Variants in SLC35D4 observed in about 807,000 individuals in gnomAD.
SLC35D4 encodes the protein solute carrier family 35 member D4.
chr18:23,319,408 T>C, the SLC35D4 span, among the ~76,000 whole-genome samples: 1 of 151,850 alleles, frequency 6.6e-6, no homozygotes, highest in South Asian at 2.1e-4. Context: ...GTAGCTGGGA[T>C]TACAGGTGGC....
the SLC35D4 span, among the ~76,000 whole-genome samples, chr18:23,347,941 T>C: frequency 6.6e-6 from 1 of 152,218 alleles, no homozygotes; most frequent in Non-Finnish European, 1.5e-5. Context: ...AGTTATTGAT[T>C]TGAGACCTTC....
chr18:23,339,367 A>G, the SLC35D4 span, among the ~76,000 whole-genome samples: 1 of 152,248 alleles, frequency 6.6e-6, no homozygotes, highest in Admixed American at 6.5e-5. Context: ...ACATAATTTT[A>G]AAATCTGGCA....
the SLC35D4 span, chr18:23,399,448 T>A: frequency 5.5e-6 from 5 of 901,288 alleles, no homozygotes; most frequent in Non-Finnish European, 8.5e-6. Flanking sequence ...GAGTAATAGG[T>A]CCCATTATTA....
chr18:23,370,106 G>T, the SLC35D4 span: 42 of 856,108 alleles, frequency 4.9e-5, no homozygotes, highest in East Asian at 1.4e-4. Context: ...TTGAACCCGG[G>T]GGGTGGAGGG....
the SLC35D4 span, among the ~76,000 whole-genome samples, chr18:23,312,082 T>C: frequency 6.6e-6 from 1 of 152,248 alleles, no homozygotes; most frequent in African/African-American, 2.4e-5. Context: ...TGTCCTTGCC[T>C]GTTTTTACCC....
At chr18:23,307,635 G>A in the SLC35D4 span, among the ~76,000 whole-genome samples, 6 of 152,356 alleles carry the variant, frequency 3.9e-5, no homozygotes, top group Admixed American at 3.9e-4. Flanking sequence ...CGGAGGGCGA[G>A]CCCGGGGCGC....
At chr18:23,334,667 G>A in the SLC35D4 span, among the ~76,000 whole-genome samples, 3 of 152,020 alleles carry the variant, frequency 2.0e-5, no homozygotes, top group Admixed American at 1.3e-4. Flanking sequence ...TCTAAAGAAC[G>A]ACCAGGTTAG....
At chr18:23,273,435 GAGAGAAGGGCAAAA>G in the SLC35D4 span, among the ~76,000 whole-genome samples, 4,842 of 152,264 alleles carry the variant, frequency 0.032, 241 homozygotes, top group African/African-American at 0.11. Flanking sequence ...ACATGGAGGT[GAGAGAAGGGCAAAA>G]AGAGAAAGGG....
At chr18:23,386,841 C>G in the SLC35D4 span, among the ~76,000 whole-genome samples, 175 of 152,238 alleles carry the variant, frequency 1.1e-3, 1 homozygote, top group East Asian at 0.011. Flanking sequence ...GGCATACTCT[C>G]CTAATGGATA....
chr18:23,298,791 G>A, the SLC35D4 span, among the ~76,000 whole-genome samples: 1 of 152,182 alleles, frequency 6.6e-6, no homozygotes, highest in Non-Finnish European at 1.5e-5. Flanking sequence ...ATGGTGGTAG[G>A]TCTCTGATGG....
At chr18:23,250,242 C>G in the SLC35D4 span, among the ~76,000 whole-genome samples, 1 of 152,220 alleles carries the variant, frequency 6.6e-6, no homozygotes, top group Non-Finnish European at 1.5e-5. Flanking sequence ...AGGCAGATGA[C>G]TTTACTTGAG....
the SLC35D4 span, among the ~76,000 whole-genome samples, chr18:23,334,101 C>G: frequency 6.6e-6 from 1 of 152,054 alleles, no homozygotes; most frequent in East Asian, 1.9e-4. Context: ...CTTTTCTTCT[C>G]CTGAAGGGGA....
the SLC35D4 span, chr18:23,371,587 A>C: frequency 1.4e-6 from 1 of 726,422 alleles, no homozygotes; most frequent in Non-Finnish European, 2.2e-6. Context: ...GTCCCAAAAC[A>C]GGACTCCTGG....
chr18:23,341,795 G>A, the SLC35D4 span, among the ~76,000 whole-genome samples: 1 of 152,114 alleles, frequency 6.6e-6, no homozygotes, highest in African/African-American at 2.4e-5. Flanking sequence ...AGATCTTAAT[G>A]GCTCATTGAA....
chr18:23,304,892 C>T, the SLC35D4 span, among the ~76,000 whole-genome samples: 14 of 152,350 alleles, frequency 9.2e-5, no homozygotes, highest in Admixed American at 9.1e-4. Flanking sequence ...GGGCATCTTC[C>T]AAACACTCCT....
the SLC35D4 span, among the ~76,000 whole-genome samples, chr18:23,295,447 A>G: frequency 2.6e-5 from 4 of 152,138 alleles, no homozygotes; most frequent in African/African-American, 4.8e-5. Context: ...CTCCAAATTA[A>G]TAAGTGTAAG....
chr18:23,267,138 T>A, the SLC35D4 span, among the ~76,000 whole-genome samples: 2 of 152,156 alleles, frequency 1.3e-5, no homozygotes, highest in Non-Finnish European at 2.9e-5. Context: ...TGGCTGAAAA[T>A]GGGGCTGCCC....
chr18:23,293,936 G>A, the SLC35D4 span, among the ~76,000 whole-genome samples: 1 of 151,982 alleles, frequency 6.6e-6, no homozygotes, highest in Non-Finnish European at 1.5e-5. Context: ...GGACTTACAG[G>A]CGTGAGCCAC....
chr18:23,300,214 A>G, the SLC35D4 span, among the ~76,000 whole-genome samples: 1,087 of 152,208 alleles, frequency 7.1e-3, 15 homozygotes, highest in African/African-American at 0.025. Flanking sequence ...ACGCAGGCTC[A>G]CCTCCAAAGA....
Sources: allele counts gnomAD v4.1 joint callset (sites outside exome capture counted in the v4.1 genomes callset), GRCh38; gene constraint gnomAD v4.1.1; transcripts MANE v1.5; gene names NCBI Gene and HGNC (gene_info 2026-07-23, HGNC 2026-07-21).